PKNOX2: variants seen among roughly 807,000 people sequenced by gnomAD.
PKNOX2 encodes the protein homeobox protein PKNOX2.
PKNOX2 carries 14 observed loss-of-function variants against 53.1 expected under a neutral mutation model. The observed-to-expected ratio is 0.26, with a 90% CI of 0.17 to 0.41. The LOEUF (loss-of-function observed/expected upper bound fraction) is 0.41, where lower values mean the gene tolerates loss of function less well. Ranked by LOEUF, PKNOX2 falls within the 10% of genes least tolerant of loss-of-function variation. The pLI, the probability that PKNOX2 is intolerant of heterozygous loss-of-function variation, is 1.00. For synonymous variants in PKNOX2, 257 were observed against 242.8 expected, an observed-to-expected ratio of 1.06 and a Z score of -0.54; for missense variants, 496 against 602.8, an observed-to-expected ratio of 0.82 and a Z score of 1.85.
chr11:125,420,285 T>C (rs1956105926), intron 10 of PKNOX2, among the ~76,000 whole-genome samples: 1 of 150,736 alleles, frequency 6.6e-6, no homozygotes, highest in Admixed American at 6.6e-5. Context: ...CCCAGCACTT[T>C]GGGAGGCCGA....
At chr11:125,349,338 C>T (rs1419971044) in intron 3 of PKNOX2, among the ~76,000 whole-genome samples, 1 of 151,776 alleles carries the variant, frequency 6.6e-6, no homozygotes, top group Non-Finnish European at 1.5e-5. Flanking sequence ...GGCCTTGGTT[C>T]CCCTGCCTGA....
intron 1 of PKNOX2, among the ~76,000 whole-genome samples, chr11:125,192,313 T>C (rs1956927977): frequency 6.6e-5 from 10 of 152,210 alleles, no homozygotes; most frequent in Admixed American, 6.5e-4. Context: ...GGCAGAGCTA[T>C]GCACTCATTC....
chr11:125,406,917 TAAAAAA>T (rs67687488), intron 7 of PKNOX2, among the ~76,000 whole-genome samples: 12 of 41,760 alleles, frequency 2.9e-4, no homozygotes, highest in Admixed American at 1.9e-3. Context: ...AATCTATGTC[TAAAAAA>T]AAAAAAAAAA....
At chr11:125,227,598 G>A (rs1486428080) in intron 1 of PKNOX2, among the ~76,000 whole-genome samples, 13 of 152,156 alleles carry the variant, frequency 8.5e-5, no homozygotes, top group South Asian at 2.1e-4. Context: ...GGATGTAGAC[G>A]TATGCATGCC....
chr11:125,401,367 C>G (rs946456586), intron 7 of PKNOX2, among the ~76,000 whole-genome samples: 1 of 152,138 alleles, frequency 6.6e-6, no homozygotes, highest in Admixed American at 6.5e-5. Context: ...AGCCAGGGTA[C>G]GAGGAGGCGG....
intron 2 of PKNOX2, among the ~76,000 whole-genome samples, chr11:125,262,537 C>A (rs1436424783): frequency 6.6e-6 from 1 of 151,964 alleles, no homozygotes; most frequent in African/African-American, 2.4e-5. Flanking sequence ...TGTGGGATGG[C>A]AGGAGATGCC....
intron 2 of PKNOX2, among the ~76,000 whole-genome samples, chr11:125,323,949 A>G (rs1444850971): frequency 6.6e-6 from 1 of 152,132 alleles, no homozygotes; most frequent in East Asian, 1.9e-4. Context: ...CATTTCCTGC[A>G]TAAATTACTC....
At chr11:125,206,493 CACAG>C (rs1939126538) in intron 1 of PKNOX2, among the ~76,000 whole-genome samples, 1 of 152,054 alleles carries the variant, frequency 6.6e-6, no homozygotes, top group African/African-American at 2.4e-5. Flanking sequence ...AGGGCCAGGT[CACAG>C]ACAGCCTCAA....
rs543857247 is a variant in PKNOX2, at chr11:125,313,004, G to A, written c.-129-18815G>A. On this transcript the variant is annotated intron_variant, in intron 2 of 12. Coordinates refer to ENST00000298282, the MANE Select transcript of PKNOX2 (RefSeq NM_001382323.2). ...AGGCAGGGGGGAGGCTGCAGAGGAG[G>A]CCAAGCCCACTGGAGGCCCGTGTCA... is the stretch of plus-strand genomic sequence containing the variant. 3.3e-5 allele frequency among the ~76,000 whole-genome samples: 5 copies of A among 152,302 alleles called. No homozygotes were observed. The South Asian group carries it at 1.0e-3, about 32-fold the overall frequency.
chr11:125,198,068 T>A (rs751835773), intron 1 of PKNOX2, among the ~76,000 whole-genome samples: 1 of 152,218 alleles, frequency 6.6e-6, no homozygotes, highest in Non-Finnish European at 1.5e-5. Context: ...AAAGGGCTGA[T>A]GGTCCCTCGT....
chr11:125,233,049 T>C (rs1158844789), intron 1 of PKNOX2, among the ~76,000 whole-genome samples: 4 of 152,230 alleles, frequency 2.6e-5, no homozygotes, highest in Non-Finnish European at 5.9e-5. Context: ...GGCATTTTTT[T>C]CTTCATTTTC....
At chr11:125,355,277 G>GAAAAAAAAAAAAA (rs61437536) in intron 4 of PKNOX2, among the ~76,000 whole-genome samples, 2 of 109,118 alleles carry the variant, frequency 1.8e-5, no homozygotes, top group African/African-American at 3.3e-5. Context: ...AAAAAAAAAA[G>GAAAAAAAAAAAAA]AAAAAAAAAA....
intron 7 of PKNOX2, among the ~76,000 whole-genome samples, chr11:125,403,430 G>A (rs369698983): frequency 2.0e-5 from 3 of 152,130 alleles, no homozygotes; most frequent in Non-Finnish European, 2.9e-5. Context: ...GAGGGGAGAC[G>A]GTGAACATTT....
At chr11:125,220,290 C>T (rs1360757271) in intron 1 of PKNOX2, among the ~76,000 whole-genome samples, 1 of 152,194 alleles carries the variant, frequency 6.6e-6, no homozygotes, top group Non-Finnish European at 1.5e-5. Flanking sequence ...TTCCATATTA[C>T]CTTTTTAAAA....
At chr11:125,244,052 G>T (rs1271315182) in intron 2 of PKNOX2, among the ~76,000 whole-genome samples, 1 of 152,236 alleles carries the variant, frequency 6.6e-6, no homozygotes, top group Non-Finnish European at 1.5e-5. Flanking sequence ...ATGAAGGGAA[G>T]GGTTGGAGCT....
chr11:125,260,501 T>A (rs2135728861), intron 2 of PKNOX2, among the ~76,000 whole-genome samples: 1 of 152,188 alleles, frequency 6.6e-6, no homozygotes, highest in South Asian at 2.1e-4. Context: ...CCAGCCTGTT[T>A]TATGGTTTTT....
Position 125,377,927 on chromosome 11 carries a change from G to C in PKNOX2, c.228-7624G>C, listed in dbSNP as rs146228096. On this transcript the variant is annotated intron_variant, in intron 5 of 12. Coordinates refer to ENST00000298282, the MANE Select transcript of PKNOX2 (RefSeq NM_001382323.2). ...CTAGGAGAGATACTGAAAAGGGTCTGAGGCCACATGATGAAGAGCCTGGAG... is the reference window on the plus strand; with the variant it reads ...CTAGGAGAGATACTGAAAAGGGTCTCAGGCCACATGATGAAGAGCCTGGAG... Among the ~76,000 whole-genome samples, 662 of 152,364 alleles carry C rather than the reference G, an allele frequency of 4.3e-3. 5 individuals are homozygous for C. Among genetic ancestry groups the C allele is most frequent in the African/African-American group, 0.015 (621 of 41,598 alleles).
intron 3 of PKNOX2, among the ~76,000 whole-genome samples, chr11:125,348,505 G>T (rs1385280608): frequency 1.6e-4 from 25 of 152,212 alleles, no homozygotes; most frequent in Admixed American, 1.6e-3. Flanking sequence ...TCAGAATATT[G>T]TTCCTGTGTC....
At chr11:125,392,303 C>G (rs1017490550) in intron 6 of PKNOX2, among the ~76,000 whole-genome samples, 6 of 152,212 alleles carry the variant, frequency 3.9e-5, no homozygotes, top group Admixed American at 3.9e-4. Flanking sequence ...CCAACGGCAC[C>G]CAATTAACAG....
Sources: gnomAD v4.1 joint callset for allele counts (sites outside exome capture counted in the v4.1 genomes callset) on GRCh38, gnomAD v4.1.1 for gene constraint, MANE v1.5 for transcripts, NCBI Gene and HGNC (gene_info 2026-07-23, HGNC 2026-07-21) for gene names.